Variants in RERE observed in about 807,000 individuals in gnomAD.
The protein encoded by RERE is arginine-glutamic acid dipeptide repeats protein.
Under a neutral mutation model 146.1 loss-of-function variants are expected in RERE, and 40 were observed. The observed-to-expected ratio is 0.27, with a 90% CI of 0.21 to 0.36. RERE has a LOEUF of 0.36. RERE is among the 10% of genes least tolerant of loss of function. The pLI is 1.00. For synonymous variants in RERE, 1,003 were observed against 866.0 expected (o/e 1.16, Z -2.78); for missense variants, 1,933 against 2,138.7 (o/e 0.90, Z 1.90).
intron 4 of RERE, among the ~76,000 whole-genome samples, chr1:8,613,146 T>C (rs1646812099): frequency 6.6e-6 from 1 of 152,186 alleles, no homozygotes; most frequent in Non-Finnish European, 1.5e-5. Context: ...TCTTTCCCCG[T>C]TCCACACTGC....
At chr1:8,662,948 C>A (rs1160480723) in intron 1 of RERE, among the ~76,000 whole-genome samples, 2 of 152,100 alleles carry the variant, frequency 1.3e-5, no homozygotes, top group African/African-American at 4.8e-5. Flanking sequence ...GTAAATTGTA[C>A]TTATAGATTG....
chr1:8,761,639 C>T (rs1276624541), intron 1 of RERE, among the ~76,000 whole-genome samples: 2 of 152,098 alleles, frequency 1.3e-5, no homozygotes, highest in Non-Finnish European at 2.9e-5. Flanking sequence ...GATTCTCGGC[C>T]GGGCATGGTG....
At position 8,497,425 on chromosome 1, in the gene RERE, A is replaced by G; in HGVS notation, c.984T>C (p.Leu328=). The G allele has an allele frequency of 6.2e-7, 1 of 1,614,140 alleles. No individual in the cohort carries two copies. Among genetic ancestry groups the G allele is most frequent in the Non-Finnish European group, 8.5e-7 (1 of 1,179,998 alleles). ...ATTACCTTGCTGCCCTCAAGTACAT[A>G]AGGAGGTCACAGTCGTTAACTCCAG... ...WMPGVNDCDL[L]MYLRAARSMA... The change falls in exon 9 of 23, where the codon CTT becomes CTC. Residue 328 remains leucine (L), a synonymous_variant. Transcript: ENST00000400908.
intron 1 of RERE, among the ~76,000 whole-genome samples, 179 bp downstream of exon 1, chr1:8,816,981 G>C (rs1327995095): frequency 1.3e-5 from 2 of 152,228 alleles, no homozygotes; most frequent in Admixed American, 6.5e-5. Flanking sequence ...GGCCCGGACA[G>C]GACCAAAGAA....
At chr1:8,397,560 C>A (rs1643096688) in intron 12 of RERE, among the ~76,000 whole-genome samples, 1 of 149,352 alleles carries the variant, frequency 6.7e-6, no homozygotes, top group South Asian at 2.1e-4. Context: ...TTACCAAACT[C>A]ATGTTGAGCA....
chr1:8,541,167 G>A (rs376848657), intron 7 of RERE, 47 bp downstream of exon 7: 12 of 1,051,072 alleles, frequency 1.1e-5, no homozygotes, highest in Non-Finnish European at 1.7e-5. Flanking sequence ...ACACAAATGA[G>A]AAAAGGAAAA....
intron 1 of RERE, among the ~76,000 whole-genome samples, chr1:8,790,693 C>CCCAG: frequency 6.6e-6 from 1 of 152,356 alleles, no homozygotes; most frequent in Admixed American, 6.5e-5. Context: ...AAGCAATTCT[C>CCCAG]GTACCTCGGC....
intron 1 of RERE, among the ~76,000 whole-genome samples, chr1:8,783,528 T>C (rs762855913): frequency 6.6e-6 from 1 of 151,944 alleles, no homozygotes; most frequent in Non-Finnish European, 1.5e-5. Flanking sequence ...CACAAAGGAG[T>C]CTTCTGTCCT....
intron 1 of RERE, among the ~76,000 whole-genome samples, chr1:8,685,012 C>T (rs1167202471): frequency 6.6e-6 from 1 of 152,148 alleles, no homozygotes; most frequent in East Asian, 1.9e-4. Flanking sequence ...CACGTGCCAC[C>T]ACAGCCAGCT....
intron 11 of RERE, among the ~76,000 whole-genome samples, chr1:8,458,086 G>A (rs771408086): frequency 6.6e-6 from 1 of 152,010 alleles, no homozygotes; most frequent in Non-Finnish European, 1.5e-5. Context: ...GTCACTATAC[G>A]TAGAATGTTC....
intron 10 of RERE, among the ~76,000 whole-genome samples, chr1:8,490,649 T>C (rs1644968697): frequency 6.6e-6 from 1 of 150,534 alleles, no homozygotes; most frequent in Admixed American, 6.6e-5. Context: ...GAAACACAAC[T>C]GGCTCTCAAA....
rs571703529 is a variant in RERE at position 8,355,388 on chromosome 1, C to T, written c.4667+31G>A. 3.5e-5 allele frequency: 56 copies of T among 1,605,806 alleles called. 2 individuals are homozygous for T. Among genetic ancestry groups the T allele is most frequent in the East Asian group, 2.7e-4 (12 of 44,858 alleles). ...GGTTGGGAGCCTGGGCTCAGATAAC[C>T]CCTCCACTCCCTCCCAGCACCCCAC... On this transcript the variant is annotated intron_variant, in intron 22 of 22. Coordinates refer to ENST00000400908, the MANE Select transcript of RERE (RefSeq NM_001042681.2).
At chr1:8,489,974 C>CT (rs1375503152) in intron 10 of RERE, among the ~76,000 whole-genome samples, 2 of 150,950 alleles carry the variant, frequency 1.3e-5, no homozygotes, top group Non-Finnish European at 2.9e-5. Flanking sequence ...GGCGTGAACC[C>CT]GGGAGGCAGA....
chr1:8,717,444 G>A (rs1005967109), intron 1 of RERE, among the ~76,000 whole-genome samples: 4 of 152,152 alleles, frequency 2.6e-5, no homozygotes, highest in African/African-American at 7.2e-5. Flanking sequence ...CCTCTAAGAA[G>A]ACCTAAATTA....
At chr1:8,578,928 T>C (rs1646329552) in intron 4 of RERE, among the ~76,000 whole-genome samples, 1 of 152,250 alleles carries the variant, frequency 6.6e-6, no homozygotes, top group African/African-American at 2.4e-5. Flanking sequence ...GAAGTTATGT[T>C]AATATCTAAG....
chr1:8,447,718 A>G (rs1644339695), intron 11 of RERE, among the ~76,000 whole-genome samples: 1 of 152,208 alleles, frequency 6.6e-6, no homozygotes, highest in African/African-American at 2.4e-5. Flanking sequence ...GTTTCGTTTC[A>G]GCTCCAGTGG....
chr1:8,564,662 T>G (rs1646120838), intron 4 of RERE, among the ~76,000 whole-genome samples: 1 of 151,846 alleles, frequency 6.6e-6, no homozygotes, highest in Admixed American at 6.6e-5. Flanking sequence ...CCCACTTCTG[T>G]GAATTTACCA....
At chr1:8,803,768 T>C (rs1410604171) in intron 1 of RERE, among the ~76,000 whole-genome samples, 1 of 151,916 alleles carries the variant, frequency 6.6e-6, no homozygotes, top group Non-Finnish European at 1.5e-5. Context: ...TGCCATGTTG[T>C]CCAGGCTGGT....
chr1:8,706,777 A>G (rs1239098459), intron 1 of RERE, among the ~76,000 whole-genome samples: 2 of 152,316 alleles, frequency 1.3e-5, no homozygotes, highest in East Asian at 3.9e-4. Flanking sequence ...TAGGAACTCA[A>G]TGGTGGGTGT....
Sources: allele counts gnomAD v4.1 joint callset (sites outside exome capture counted in the v4.1 genomes callset), GRCh38; gene constraint gnomAD v4.1.1; transcripts MANE v1.5; gene names NCBI Gene and HGNC (gene_info 2026-07-23, HGNC 2026-07-21).